Variants in PARP11 observed in about 807,000 individuals in gnomAD.
The protein encoded by PARP11 is protein mono-ADP-ribosyltransferase PARP11.
Under a neutral mutation model 42.9 loss-of-function variants are expected in PARP11, and 31 were observed. The ratio of observed to expected loss-of-function variants is 0.72; its 90% CI spans 0.54 to 0.98. The LOEUF (loss-of-function observed/expected upper bound fraction) is 0.98, where lower values mean the gene tolerates loss of function less well. PARP11 is among the 50% of genes least tolerant of loss of function. PARP11 has a pLI of 0.00. For synonymous variants in PARP11, 137 were observed against 127.3 expected, an observed-to-expected ratio of 1.08 and a Z score of -0.51; for missense variants, 365 against 413.1, an observed-to-expected ratio of 0.88 and a Z score of 1.01.
At chr12:3,869,799 C>G (rs995747575) in intron 1 of PARP11, among the ~76,000 whole-genome samples, 1 of 152,174 alleles carries the variant, frequency 6.6e-6, no homozygotes, top group Admixed American at 6.5e-5. Flanking sequence ...ATCTGCCTGC[C>G]TGCACCAGAC....
At chr12:3,849,758 C>CTT (rs1358559325) in intron 1 of PARP11, among the ~76,000 whole-genome samples, 6 of 152,048 alleles carry the variant, frequency 3.9e-5, no homozygotes, top group African/African-American at 1.4e-4. Context: ...TTCAATAGAT[C>CTT]AGTAGGGTGA....
intron 4 of PARP11, 38 bp from the exon 5 acceptor site, chr12:3,822,195 C>T (rs1947409681): frequency 2.7e-6 from 4 of 1,487,278 alleles, no homozygotes; most frequent in African/African-American, 1.4e-5. Flanking sequence ...TATCAGAAGC[C>T]GATTACAATT....
At chr12:3,842,097 G>T (rs189005231) in intron 1 of PARP11, 5 of 1,609,424 alleles carry the variant, frequency 3.1e-6, no homozygotes, top group Non-Finnish European at 4.3e-6. Context: ...GAGAGAAATT[G>T]TGCCTGTTGA....
chr12:3,840,636 A>G lies in PARP11; in HGVS notation c.19-10618T>C. ...ACTATTGCTACTTCTCAGAGTAGCAATCCATGTGTCCAGAGAAAATCATCA... is the reference window on the plus strand; with the variant it reads ...ACTATTGCTACTTCTCAGAGTAGCAGTCCATGTGTCCAGAGAAAATCATCA... On this transcript the variant is annotated intron_variant, in intron 1 of 7. Coordinates refer to ENST00000228820, the MANE Select transcript of PARP11 (RefSeq NM_020367.6). This position sits in a 1 kb window ranked among gnomAD's most constrained non-coding sequence, Gnocchi z 4.4. The G allele has an allele frequency of 1.6e-6, 2 of 1,212,354 alleles. No individual in the cohort carries two copies. Among genetic ancestry groups the G allele is most frequent in the South Asian group, 1.2e-5 (1 of 83,036 alleles). 75.1% of individuals were successfully genotyped at this position (1,212,354 alleles called of 1,614,324 possible).
At chr12:3,856,622 C>T (rs1450846030) in intron 1 of PARP11, among the ~76,000 whole-genome samples, 2 of 152,156 alleles carry the variant, frequency 1.3e-5, no homozygotes, top group Non-Finnish European at 1.5e-5. Flanking sequence ...CAGGAAACAA[C>T]AGGTGCTGGA....
chr12:3,835,751 A>G (rs1176316559), intron 1 of PARP11, among the ~76,000 whole-genome samples: 2 of 152,218 alleles, frequency 1.3e-5, no homozygotes, highest in East Asian at 3.8e-4. Context: ...AAGTAAAATG[A>G]AACACTCTAG....
At chr12:3,851,095 G>A (rs1265490046) in intron 1 of PARP11, among the ~76,000 whole-genome samples, 1 of 152,182 alleles carries the variant, frequency 6.6e-6, no homozygotes, top group Non-Finnish European at 1.5e-5. Context: ...ATACTCAACA[G>A]GCATGTTACA....
At chr12:3,839,707 C>T in intron 1 of PARP11, 2 of 1,037,022 alleles carry the variant, frequency 1.9e-6, no homozygotes, top group South Asian at 1.3e-5. Flanking sequence ...AAATAATTTT[C>T]CTGAAAAGGT....
intron 1 of PARP11, among the ~76,000 whole-genome samples, chr12:3,866,726 G>A (rs1591542882): frequency 6.6e-6 from 1 of 152,112 alleles, no homozygotes; most frequent in African/African-American, 2.4e-5. Context: ...CAAGAGAAAA[G>A]ACGCATTCCT....
rs1187204933 is a variant in PARP11 at position 3,809,234 on chromosome 12, T to A, written c.*2889A>T. 2 of 152,216 alleles carry A rather than the reference T, an allele frequency of 1.3e-5. No homozygotes were observed. The highest frequency in any genetic ancestry group is 4.8e-5 in the African/African-American group (2 of 41,452). The allele number at this position is 152,216 out of a possible 1,614,324, so 9.4% of individuals were successfully genotyped here. On this transcript the variant is annotated 3_prime_UTR_variant, in exon 8 of 8. Coordinates refer to ENST00000228820, the MANE Select transcript of PARP11 (RefSeq NM_020367.6). The stretch of plus-strand genomic sequence containing the variant: ...ATATACTGGTTATATAATTCTCAAA[T>A]GTACTGATTATATGATTCTCGATTT...
In PARP11 at chr12:3,819,436, T is replaced by G. The variant is rs1040615708; in HGVS notation, c.548+2437A>C. On this transcript the variant is annotated intron_variant, in intron 6 of 7. Transcript: ENST00000228820. ...GCTTCTTCTTTGTTGTGTCATGCAT[T>G]GTAGGATGTTTAGCATCCTGGCTTC... Among the ~76,000 whole-genome samples the G allele has an allele frequency of 4.6e-5, 7 of 152,206 alleles. 1 individual carries two copies. Among genetic ancestry groups the G allele is most frequent in the Admixed American group, 4.6e-4 (7 of 15,286 alleles).
intron 1 of PARP11, chr12:3,841,256 A>G (rs949821354): frequency 6.5e-6 from 9 of 1,389,610 alleles, no homozygotes; most frequent in Admixed American, 3.3e-5. Context: ...CTACCTAAAG[A>G]TAAGAATATT....
At chr12:3,828,535 G>A (rs1947574978) in intron 3 of PARP11, among the ~76,000 whole-genome samples, 1 of 134,926 alleles carries the variant, frequency 7.4e-6, no homozygotes, top group South Asian at 2.4e-4. Flanking sequence ...GCAACACAGT[G>A]AGACGTCTCA....
intron 1 of PARP11, among the ~76,000 whole-genome samples, chr12:3,833,701 A>T (rs1406533611): frequency 6.6e-6 from 1 of 152,362 alleles, no homozygotes; most frequent in South Asian, 2.1e-4. Context: ...CAAAAAGTGG[A>T]GAAACATTCA....
At chr12:3,850,627 T>A (rs1175251830) in intron 1 of PARP11, among the ~76,000 whole-genome samples, 2 of 152,128 alleles carry the variant, frequency 1.3e-5, no homozygotes, top group African/African-American at 4.8e-5. Context: ...GAGGCCAATA[T>A]CTATGTGCAT....
chr12:3,837,305 C>G (rs1471736819), intron 1 of PARP11, among the ~76,000 whole-genome samples: 3 of 152,122 alleles, frequency 2.0e-5, no homozygotes, highest in Non-Finnish European at 4.4e-5. Flanking sequence ...CCATCTAGTG[C>G]TTAAAAGGAG....
chr12:3,839,659 A>C, intron 1 of PARP11: 1 of 966,462 alleles, frequency 1.0e-6, no homozygotes, highest in East Asian at 2.4e-5. Flanking sequence ...TTTTATAACT[A>C]ATCTGGAACC....
At chr12:3,817,893 T>C (rs1947323701) in intron 6 of PARP11, among the ~76,000 whole-genome samples, 1 of 152,330 alleles carries the variant, frequency 6.6e-6, no homozygotes, top group South Asian at 2.1e-4. Flanking sequence ...AGTAGATCTG[T>C]GGCGGGTGAC....
At chr12:3,870,801 AAATT>A (rs1948463338) in intron 1 of PARP11, among the ~76,000 whole-genome samples, 1 of 152,226 alleles carries the variant, frequency 6.6e-6, no homozygotes, top group African/African-American at 2.4e-5. Flanking sequence ...TGTTATGGAA[AAATT>A]AAGAAGGACT....
Sources: allele counts gnomAD v4.1 joint callset (sites outside exome capture counted in the v4.1 genomes callset), GRCh38; gene constraint gnomAD v4.1.1; non-coding constraint Gnocchi (gnomAD v3.1); transcripts MANE v1.5; gene names NCBI Gene and HGNC (gene_info 2026-07-23, HGNC 2026-07-21).